MTSS1: variants seen among roughly 807,000 people sequenced by gnomAD.
The protein encoded by MTSS1 is protein MTSS 1.
In MTSS1, 18 loss-of-function variants were observed where a neutral mutation model predicts 79.0. The observed-to-expected ratio is 0.23, with a 90% CI of 0.16 to 0.34. The LOEUF is 0.34. MTSS1 is among the 10% of genes least tolerant of loss of function. MTSS1 has a pLI of 1.00. For synonymous variants in MTSS1, 341 were observed against 368.6 expected (o/e 0.93, Z 0.86); for missense variants, 815 against 986.2 (o/e 0.83, Z 2.33).
intron 11 of MTSS1, chr8:124,556,606 C>A: frequency 1.7e-6 from 1 of 603,322 alleles, no homozygotes. Context: ...CCCCTGTGTA[C>A]CTCCCTTTTC....
At chr8:124,689,864 G>A (rs1284618324) in intron 3 of MTSS1, among the ~76,000 whole-genome samples, 1 of 152,130 alleles carries the variant, frequency 6.6e-6, no homozygotes, top group Non-Finnish European at 1.5e-5. Context: ...GTGTGGCAGT[G>A]GGGATGGGGT....
intron 1 of MTSS1, among the ~76,000 whole-genome samples, chr8:124,711,276 T>C (rs1831124122): frequency 6.6e-6 from 1 of 152,186 alleles, no homozygotes; most frequent in Non-Finnish European, 1.5e-5. Context: ...CTGCTCCTGG[T>C]CCACAGACCA....
At chr8:124,599,833 G>T (rs117077407) in intron 3 of MTSS1, among the ~76,000 whole-genome samples, 2,600 of 152,200 alleles carry the variant, frequency 0.017, 44 homozygotes, top group South Asian at 0.044. Context: ...TAGCAACAGT[G>T]TCTCTCACCA....
intron 3 of MTSS1, among the ~76,000 whole-genome samples, chr8:124,659,346 T>C (rs1007707334): frequency 4.6e-5 from 7 of 152,236 alleles, no homozygotes; most frequent in Non-Finnish European, 1.0e-4. Context: ...ATTAAGTTTT[T>C]CTCCATGACA....
rs79193363 is a variant in MTSS1 at position 124,585,875 on chromosome 8, G to A, written c.386-714C>T. 5.8e-3 allele frequency among the ~76,000 whole-genome samples: 881 copies of A among 152,260 alleles called. 12 individuals are homozygous for A. Among genetic ancestry groups the A allele is most frequent in the Admixed American group, 0.03 (460 of 15,292 alleles). On this transcript the variant is annotated intron_variant, in intron 5 of 13. Transcript: ENST00000518547. Reference sequence around the variant, plus strand: ...CCCTATGTGGAAAAGATGCTGGGCAGATGTTAAAATCCAGAAAAAGTGTCT... The same window carrying A: ...CCCTATGTGGAAAAGATGCTGGGCAAATGTTAAAATCCAGAAAAAGTGTCT...
intron 12 of MTSS1, 103 bp from the exon 13 acceptor site, chr8:124,556,007 G>A (rs758561732): frequency 9.1e-5 from 142 of 1,552,142 alleles, no homozygotes; most frequent in Middle Eastern, 1.7e-4. Context: ...GGGCCAGGGG[G>A]CTATTGACTT....
At chr8:124,560,011 G>A (rs1824939680) in intron 10 of MTSS1, among the ~76,000 whole-genome samples, 2 of 152,132 alleles carry the variant, frequency 1.3e-5, no homozygotes, top group African/African-American at 4.8e-5. Flanking sequence ...TCCTGTAAGG[G>A]CAAGGAGACA....
At chr8:124,604,543 A>G (rs962501937) in intron 3 of MTSS1, among the ~76,000 whole-genome samples, 1 of 152,006 alleles carries the variant, frequency 6.6e-6, no homozygotes, top group African/African-American at 2.4e-5. Context: ...AATCCTAACA[A>G]CTCATTTTAA....
intron 1 of MTSS1, among the ~76,000 whole-genome samples, chr8:124,726,028 G>T (rs932298962): frequency 1.3e-5 from 2 of 152,052 alleles, no homozygotes; most frequent in African/African-American, 4.8e-5. Flanking sequence ...ATAGGATACT[G>T]AACAAACCTA....
chr8:124,555,957 A>C, intron 12 of MTSS1, 53 bp from the exon 13 acceptor site: 1 of 1,590,972 alleles, frequency 6.3e-7, no homozygotes, highest in Non-Finnish European at 8.5e-7. Flanking sequence ...GGGGCTCAAC[A>C]GCACTCCTGT....
intron 3 of MTSS1, among the ~76,000 whole-genome samples, chr8:124,675,569 T>C (rs1376084201): frequency 6.6e-6 from 1 of 152,234 alleles, no homozygotes; most frequent in Non-Finnish European, 1.5e-5. Context: ...GCATTCACAA[T>C]GTGAGTAATG....
intron 1 of MTSS1, among the ~76,000 whole-genome samples, chr8:124,708,799 C>T (rs779741020): frequency 1.3e-5 from 2 of 152,036 alleles, no homozygotes; most frequent in Admixed American, 6.5e-5. Flanking sequence ...TTGCTGCTGA[C>T]TTAATGACAC....
At chr8:124,601,927 G>C (rs1273180898) in intron 3 of MTSS1, among the ~76,000 whole-genome samples, 2 of 152,084 alleles carry the variant, frequency 1.3e-5, no homozygotes, top group African/African-American at 4.8e-5. Flanking sequence ...AGGAAAGTAA[G>C]AGTGTTTCCA....
intron 1 of MTSS1, among the ~76,000 whole-genome samples, chr8:124,724,673 T>C (rs568883057): frequency 1.1e-4 from 17 of 152,214 alleles, no homozygotes; most frequent in Admixed American, 2.6e-4. Flanking sequence ...CAAAGTCTCC[T>C]GGTCTTAAGA....
chr8:124,718,879 G>A (rs1832507137), intron 1 of MTSS1, among the ~76,000 whole-genome samples: 1 of 152,170 alleles, frequency 6.6e-6, no homozygotes, highest in Non-Finnish European at 1.5e-5. Flanking sequence ...CACTGGCCTG[G>A]CCCAACAACT....
At chr8:124,656,781 CAAAAAAAAAAA>C (rs59332225) in intron 3 of MTSS1, among the ~76,000 whole-genome samples, 4 of 51,666 alleles carry the variant, frequency 7.7e-5, no homozygotes, top group Non-Finnish European at 1.8e-4. Context: ...GACTCCATCT[CAAAAAAAAAAA>C]AAAAAAAGAA....
intron 3 of MTSS1, among the ~76,000 whole-genome samples, chr8:124,619,833 C>T (rs1166884791): frequency 3.9e-5 from 6 of 152,340 alleles, no homozygotes; most frequent in South Asian, 4.1e-4. Context: ...ACATTGCTGA[C>T]GCTCTGTCGT....
chr8:124,644,930 T>C (rs1465089509), intron 3 of MTSS1, among the ~76,000 whole-genome samples: 2 of 152,232 alleles, frequency 1.3e-5, no homozygotes, highest in Admixed American at 1.3e-4. Context: ...ATTAGGTATG[T>C]CATACACAGA....
At chr8:124,726,647 C>T (rs1199949240) in intron 1 of MTSS1, among the ~76,000 whole-genome samples, 1 of 152,226 alleles carries the variant, frequency 6.6e-6, no homozygotes, top group Non-Finnish European at 1.5e-5. Context: ...AGCATTCCTT[C>T]CCAAAGACCA....
Sources: gnomAD v4.1 joint callset for allele counts (sites outside exome capture counted in the v4.1 genomes callset) on GRCh38, gnomAD v4.1.1 for gene constraint, MANE v1.5 for transcripts, NCBI Gene and HGNC (gene_info 2026-07-23, HGNC 2026-07-21) for gene names.